The following FHIT variants were observed in gnomAD, a reference collection of about 807,000 sequenced individuals.
The protein encoded by FHIT is fragile histidine triad diadenosine triphosphatase.
In FHIT, 19 loss-of-function variants were observed where a neutral mutation model predicts 17.9. The observed-to-expected ratio is 1.06, with a 90% CI of 0.74 to 1.56. The LOEUF is 1.56. Among genes scored for constraint, FHIT ranks in the 40% most tolerant of loss-of-function variants. The pLI is 0.00. For missense variants in FHIT, 248 were observed against 189.2 expected (o/e 1.31, Z -1.82); for synonymous variants, 81 against 69.7 (o/e 1.16, Z -0.81).
chr3:60,111,440 T>C (rs1453966975), intron 5 of FHIT, among the ~76,000 whole-genome samples: 1 of 152,190 alleles, frequency 6.6e-6, no homozygotes, highest in African/African-American at 2.4e-5. Flanking sequence ...ACCACTGATA[T>C]ATAATAGACT....
intron 5 of FHIT, among the ~76,000 whole-genome samples, chr3:60,163,333 C>T (rs556030285): frequency 6.6e-6 from 1 of 152,118 alleles, no homozygotes; most frequent in Admixed American, 6.5e-5. Context: ...CCTTTACCCA[C>T]ACGCGTGTTC....
intron 4 of FHIT, among the ~76,000 whole-genome samples, chr3:60,564,880 G>A (rs368606959): frequency 3.3e-5 from 5 of 152,120 alleles, no homozygotes; most frequent in African/African-American, 9.7e-5. Context: ...TGTCAAAGAC[G>A]ATTAACTCTA....
chr3:60,082,806 C>T (rs1342788162), intron 5 of FHIT, among the ~76,000 whole-genome samples: 1 of 152,028 alleles, frequency 6.6e-6, no homozygotes, highest in African/African-American at 2.4e-5. Context: ...ATTTTGTCCA[C>T]TTTGTAATAG....
intron 2 of FHIT, among the ~76,000 whole-genome samples, chr3:61,185,637 G>A (rs751652670): frequency 6.6e-6 from 1 of 152,166 alleles, no homozygotes; most frequent in Non-Finnish European, 1.5e-5. Flanking sequence ...CACTGCAGCA[G>A]GAGATGAGGA....
rs936972171 is a variant in FHIT at position 59,778,288 on chromosome 3, TAA to T, written c.349-25969_349-25968del. On this transcript the variant is annotated intron_variant, in intron 8 of 9. Transcript: ENST00000492590. ...CTATAGTCAGTGGGAGGGGAATGGATAAAGAGTAAAAGTGACGCAAACTTGTA... is the reference window on the plus strand; with the variant it reads ...CTATAGTCAGTGGGAGGGGAATGGATAGAGTAAAAGTGACGCAAACTTGTA... 8.5e-5 allele frequency among the ~76,000 whole-genome samples: 13 copies of T among 152,224 alleles called. No homozygotes were observed. The East Asian group carries it at 1.9e-3, about 23-fold the overall frequency.
At chr3:59,867,820 T>G (rs1355135297) in intron 8 of FHIT, among the ~76,000 whole-genome samples, 2 of 152,076 alleles carry the variant, frequency 1.3e-5, no homozygotes, top group East Asian at 1.9e-4. Flanking sequence ...CCTTAGGGTA[T>G]GTACTCCCCA....
At chr3:61,026,381 A>G (rs1207142360) in intron 3 of FHIT, among the ~76,000 whole-genome samples, 2 of 152,172 alleles carry the variant, frequency 1.3e-5, no homozygotes, top group Non-Finnish European at 2.9e-5. Flanking sequence ...CTATAGAACG[A>G]CAATAATAAT....
intron 7 of FHIT, among the ~76,000 whole-genome samples, chr3:60,008,330 T>C (rs1700001875): frequency 1.3e-5 from 2 of 152,104 alleles, no homozygotes; most frequent in African/African-American, 2.4e-5. Flanking sequence ...CTACTCCTTT[T>C]AAACCCAAAA....
chr3:60,118,584 C>A (rs1270402829), intron 5 of FHIT, among the ~76,000 whole-genome samples: 1 of 151,700 alleles, frequency 6.6e-6, no homozygotes. Flanking sequence ...CTTTGGTCTC[C>A]CCAGAGGTAA....
intron 4 of FHIT, among the ~76,000 whole-genome samples, chr3:60,600,638 C>T (rs1322260997): frequency 2.0e-5 from 3 of 152,188 alleles, no homozygotes; most frequent in East Asian, 1.9e-4. Flanking sequence ...CACCCAGAAG[C>T]GGTACTAATC....
chr3:59,827,167 T>C (rs891873298), intron 8 of FHIT, among the ~76,000 whole-genome samples: 5 of 152,224 alleles, frequency 3.3e-5, no homozygotes, highest in Admixed American at 1.3e-4. Flanking sequence ...CTGTGTTACC[T>C]GCGGTCAGCA....
At chr3:60,818,651 T>C (rs552026240) in intron 4 of FHIT, among the ~76,000 whole-genome samples, 1 of 152,334 alleles carries the variant, frequency 6.6e-6, no homozygotes, top group East Asian at 1.9e-4. Context: ...ACTCTTTTTG[T>C]CTGAAAGTTT....
intron 5 of FHIT, among the ~76,000 whole-genome samples, chr3:60,250,926 A>G (rs1355493192): frequency 6.6e-6 from 1 of 152,184 alleles, no homozygotes; most frequent in Non-Finnish European, 1.5e-5. Context: ...GATAATCCCA[A>G]AAACTCATTG....
intron 4 of FHIT, among the ~76,000 whole-genome samples, chr3:60,820,810 C>T (rs551669353): frequency 4.0e-5 from 6 of 151,848 alleles, no homozygotes; most frequent in Admixed American, 3.3e-4. Context: ...TTGTCTGAGA[C>T]CCGGAAATGA....
chr3:61,032,060 C>G (rs1233109213), intron 3 of FHIT, among the ~76,000 whole-genome samples: 1 of 152,172 alleles, frequency 6.6e-6, no homozygotes, highest in Non-Finnish European at 1.5e-5. Flanking sequence ...GAGATTTTAG[C>G]AACCAAATTA....
At chr3:60,855,131 C>A (rs1367393054) in intron 3 of FHIT, among the ~76,000 whole-genome samples, 2 of 152,094 alleles carry the variant, frequency 1.3e-5, no homozygotes, top group Non-Finnish European at 2.9e-5. Flanking sequence ...CCAAATGTGA[C>A]AAAATGTATT....
chr3:59,888,781 G>A (rs1014097800), intron 8 of FHIT, among the ~76,000 whole-genome samples: 1 of 152,146 alleles, frequency 6.6e-6, no homozygotes, highest in Non-Finnish European at 1.5e-5. Flanking sequence ...TGCTTTTGCT[G>A]CTTTAACAGA....
At chr3:60,331,350 T>G (rs1709967565) in intron 5 of FHIT, among the ~76,000 whole-genome samples, 1 of 152,182 alleles carries the variant, frequency 6.6e-6, no homozygotes, top group African/African-American at 2.4e-5. Flanking sequence ...GTGCCAAGTT[T>G]CATGTTTCCT....
At chr3:60,905,300 A>G (rs1553764266) in intron 3 of FHIT, among the ~76,000 whole-genome samples, 1 of 152,226 alleles carries the variant, frequency 6.6e-6, no homozygotes, top group African/African-American at 2.4e-5. Flanking sequence ...AATATACTCT[A>G]TTAGCAAACA....
Sources: allele counts gnomAD v4.1 joint callset (sites outside exome capture counted in the v4.1 genomes callset), GRCh38; gene constraint gnomAD v4.1.1; transcripts MANE v1.5; gene names NCBI Gene and HGNC (gene_info 2026-07-23, HGNC 2026-07-21).